Variants in NRBP1 observed in about 807,000 individuals in gnomAD.
NRBP1 encodes the protein nuclear receptor binding protein 1, also known as nuclear receptor-binding protein.
In NRBP1, 10 loss-of-function variants were observed where a neutral mutation model predicts 76.0. The ratio of observed to expected loss-of-function variants is 0.13; its 90% CI spans 0.08 to 0.22. NRBP1 has a LOEUF of 0.22. Among genes scored for constraint, NRBP1 ranks in the 10% least tolerant of loss-of-function variants. The pLI, the probability that NRBP1 is intolerant of heterozygous loss-of-function variation, is 1.00. For synonymous variants in NRBP1, 235 were observed against 240.2 expected (o/e 0.98, Z 0.20); for missense variants, 344 against 646.0 (o/e 0.53, Z 5.07).
At chr2:27,434,920 C>T (rs932652147) in intron 6 of NRBP1, 158 bp downstream of exon 6, 15 of 749,392 alleles carry the variant, frequency 2.0e-5, no homozygotes, top group Admixed American at 6.6e-5. Context: ...TTAAAGGGTG[C>T]GTCCTAATGC....
In NRBP1 at chr2:27,433,379, T is replaced by G; in HGVS notation, c.106T>G (p.Ser36Ala). The change falls in exon 2 of 18, where the codon TCC (serine) becomes GCC (alanine). Residue 36 changes from serine (S) to alanine (A), a missense_variant. Coordinates refer to ENST00000379852, the MANE Select transcript of NRBP1 (RefSeq NM_013392.4). ...GLTSVSPPVTSTTSAASPEEE... is the reference protein window; with the variant it reads ...GLTSVSPPVTATTSAASPEEE... ...GACATCAGTGTCACCTCCTGTGACC[T>G]CCACAACCTCAGCTGCTTCCCCAGA... 1 of 1,614,226 alleles carries G rather than the reference T, an allele frequency of 6.2e-7. No individual in the cohort carries two copies. The highest frequency in any genetic ancestry group is 1.1e-5 in the South Asian group (1 of 91,084).
chr2:27,436,355 T>A (rs1664306094), intron 7 of NRBP1: 1 of 197,162 alleles, frequency 5.1e-6, no homozygotes. Flanking sequence ...ATTTGCAGGG[T>A]GGATGAAAAA....
intron 10 of NRBP1, among the ~76,000 whole-genome samples, chr2:27,438,343 CAGTTTT>C (rs1664395153): frequency 6.6e-6 from 1 of 152,106 alleles, no homozygotes; most frequent in South Asian, 2.1e-4. Context: ...TATATTTATA[CAGTTTT>C]AGTTAGGGAC....
intron 10 of NRBP1, 63 bp downstream of exon 10, chr2:27,437,423 C>A: frequency 8.0e-7 from 1 of 1,245,610 alleles, no homozygotes; most frequent in Non-Finnish European, 1.2e-6. Context: ...GTTTTTCTTC[C>A]TTTGTACCCA....
At chr2:27,436,376 A>G (rs1664307497) in intron 7 of NRBP1, 1 of 202,882 alleles carries the variant, frequency 4.9e-6, no homozygotes, top group Non-Finnish European at 1.0e-5. Context: ...ACTAAAACCA[A>G]ATATTTTCAT....
chr2:27,441,524 C>A (rs1437901244), intron 16 of NRBP1, 43 bp from the exon 17 acceptor site: 1 of 1,608,364 alleles, frequency 6.2e-7, no homozygotes, highest in Non-Finnish European at 8.5e-7. Flanking sequence ...CCCCAGGTCC[C>A]TCAGTCCCGT....
chr2:27,440,877 A>T lies in NRBP1; in HGVS notation c.1266A>T (p.Ser422=), dbSNP rs1045332329. 3.1e-6 allele frequency: 5 copies of T among 1,613,812 alleles called. No homozygotes were observed. The African/African-American group carries it at 6.7e-5, about 22-fold the overall frequency. ...PQQPQQEEVT[S]PVVPPSVKTP... ...AGCCACAGCAGGAGGAGGTGACATC[A>T]CCTGTCGTGCCCCCCTCTGTCAAGA... The change falls in exon 14 of 18, where the codon TCA becomes TCT. Residue 422 remains serine, a synonymous_variant. Transcript: ENST00000379852.
At chr2:27,430,267 C>G (rs1225986291) in intron 1 of NRBP1, among the ~76,000 whole-genome samples, 1 of 152,092 alleles carries the variant, frequency 6.6e-6, no homozygotes, top group Non-Finnish European at 1.5e-5. Context: ...ATTTACTAGA[C>G]TGTCTTCTAA....
chr2:27,434,348 A>G (rs941911541), intron 4 of NRBP1, 123 bp from the exon 5 acceptor site: 8 of 798,986 alleles, frequency 1.0e-5, no homozygotes, highest in Admixed American at 4.6e-5. Flanking sequence ...TATTTAGTCT[A>G]AGTAAGTAAA....
chr2:27,434,627 A>G (rs528480390), intron 5 of NRBP1, 67 bp downstream of exon 5: 1 of 1,590,660 alleles, frequency 6.3e-7, no homozygotes, highest in Admixed American at 1.7e-5. Context: ...GGACTCTGTT[A>G]ATAATGAAGC....
At chr2:27,439,717 A>T in intron 10 of NRBP1, 49 bp from the exon 11 acceptor site, 1 of 1,610,682 alleles carries the variant, frequency 6.2e-7, no homozygotes, top group Non-Finnish European at 8.5e-7. Context: ...AGATGAACAC[A>T]CTGGGGGCTT....
rs546847580 is a variant in NRBP1 at position 27,434,693 on chromosome 2, G to T, written c.526-29G>T. ...GAGAGAGTTAAGAGAGGGAATTACT[G>T]CTGACCCTTGGATCCAACTTTGTTC... On this transcript the variant is annotated intron_variant, in intron 5 of 17. Coordinates refer to ENST00000379852, the MANE Select transcript of NRBP1 (RefSeq NM_013392.4). 6.8e-6 allele frequency: 11 copies of T among 1,613,978 alleles called. No homozygotes were observed. In the Admixed American group the frequency reaches 1.8e-4, roughly 27 times the overall value.
Position 27,441,997 on chromosome 2 carries a change from C to T in NRBP1, c.*185C>T, listed in dbSNP as rs1322594026. On this transcript the variant is annotated 3_prime_UTR_variant, in exon 18 of 18. Coordinates refer to ENST00000379852, the MANE Select transcript of NRBP1 (RefSeq NM_013392.4). ...TTCCCCTCCCCTCTCTTCCTCCCCT[C>T]TGCACTTTGTTTACTTGTTTTGCAC... The T allele has an allele frequency of 1.7e-6, 1 of 583,412 alleles. No homozygotes were observed. Among genetic ancestry groups the T allele is most frequent in the Non-Finnish European group, 3.0e-6 (1 of 329,690 alleles). 36.1% of individuals were successfully genotyped at this position (583,412 alleles called of 1,614,324 possible).
At position 27,434,579 on chromosome 2, in the gene NRBP1, C is replaced by T; in HGVS notation, c.525+19C>T. The T allele has an allele frequency of 6.2e-7, 1 of 1,609,776 alleles. No individual in the cohort carries two copies. ...TGAAAAGGTATAGAAGGAGAGCAGA[C>T]AAAGTTTGAGGCTGGTTTTTGGGGG... On this transcript the variant is annotated intron_variant, in intron 5 of 17. Transcript: ENST00000379852.
chr2:27,428,415 C>T, upstream of NRBP1: 4 of 376,488 alleles, frequency 1.1e-5, no homozygotes, highest in Non-Finnish European at 1.9e-5. Context: ...GTGGGGTGGA[C>T]AGAGAGACGA....
chr2:27,433,827 A>G, intron 3 of NRBP1, 32 bp downstream of exon 3: 2 of 1,613,822 alleles, frequency 1.2e-6, no homozygotes, highest in Non-Finnish European at 1.7e-6. Flanking sequence ...AAGCCTGGGG[A>G]ATGTTGGAAC....
At chr2:27,438,155 G>A (rs1664386930) in intron 10 of NRBP1, among the ~76,000 whole-genome samples, 1 of 150,916 alleles carries the variant, frequency 6.6e-6, no homozygotes, top group Non-Finnish European at 1.5e-5. Context: ...ACTCCAGCTG[G>A]GGCAAGAGAG....
intron 1 of NRBP1, among the ~76,000 whole-genome samples, chr2:27,432,750 A>G (rs181638308): frequency 2.9e-4 from 43 of 148,636 alleles, no homozygotes; most frequent in Non-Finnish European, 3.3e-4. Context: ...TAATTTTTAA[A>G]TTTTTTTGTA....
intron 11 of NRBP1, 51 bp downstream of exon 11, chr2:27,439,949 A>G (rs1324235011): frequency 2.0e-6 from 3 of 1,492,802 alleles, no homozygotes; most frequent in African/African-American, 2.8e-5. Flanking sequence ...GGAGCCCTGT[A>G]ACTATCACTG....
Sources: gnomAD v4.1 joint callset for allele counts (sites outside exome capture counted in the v4.1 genomes callset) on GRCh38, gnomAD v4.1.1 for gene constraint, MANE v1.5 for transcripts, NCBI Gene and HGNC (gene_info 2026-07-23, HGNC 2026-07-21) for gene names.